BLTP3B: variants seen among roughly 807,000 people sequenced by gnomAD.
The protein encoded by BLTP3B is UHRF1 (ICBP90) binding protein 1-like.
chr12:100,136,810 C>CT, the BLTP3B span, among the ~76,000 whole-genome samples: 1,326 of 147,828 alleles, frequency 9.0e-3, 12 homozygotes, highest in African/African-American at 0.031. Flanking sequence ...TCTTTTTTTT[C>CT]TTTTTTTTTA....
chr12:100,077,665 A>C, the BLTP3B span, among the ~76,000 whole-genome samples: 1 of 152,234 alleles, frequency 6.6e-6, no homozygotes. Context: ...CACTGAGTTA[A>C]ATAAAAACTT....
the BLTP3B span, among the ~76,000 whole-genome samples, chr12:100,094,804 G>C: frequency 1.3e-5 from 2 of 152,180 alleles, no homozygotes; most frequent in South Asian, 2.1e-4. Context: ...AGGTTGCAGT[G>C]AGCTGAGATT....
chr12:100,060,136 TTTC>T, the BLTP3B span: 3 of 1,009,162 alleles, frequency 3.0e-6, no homozygotes, highest in Non-Finnish European at 4.1e-6. Context: ...AGTTTTATTC[TTTC>T]TTAAGATAAA....
At chr12:100,139,305 T>C in the BLTP3B span, among the ~76,000 whole-genome samples, 1 of 152,220 alleles carries the variant, frequency 6.6e-6, no homozygotes, top group African/African-American at 2.4e-5. Context: ...TTCCATACTT[T>C]CCCAACATAC....
At chr12:100,049,701 GAAAC>G in the BLTP3B span, among the ~76,000 whole-genome samples, 1 of 152,042 alleles carries the variant, frequency 6.6e-6, no homozygotes, top group Non-Finnish European at 1.5e-5. Context: ...GAAGGTAAAA[GAAAC>G]AGCCACAAAT....
chr12:100,046,012 A>G, the BLTP3B span, among the ~76,000 whole-genome samples: 1 of 152,242 alleles, frequency 6.6e-6, no homozygotes, highest in African/African-American at 2.4e-5. Flanking sequence ...AATGCAAATC[A>G]AAACCACAAT....
chr12:100,136,173 T>G, the BLTP3B span, among the ~76,000 whole-genome samples: 1 of 151,170 alleles, frequency 6.6e-6, no homozygotes, highest in Admixed American at 6.6e-5. Flanking sequence ...ATTGCTCCAT[T>G]GTACTCCAGC....
At chr12:100,081,032 T>C in the BLTP3B span, among the ~76,000 whole-genome samples, 2 of 151,768 alleles carry the variant, frequency 1.3e-5, no homozygotes, top group African/African-American at 4.8e-5. Flanking sequence ...AAAATGGGAG[T>C]TTCCCTGCAC....
the BLTP3B span, among the ~76,000 whole-genome samples, chr12:100,083,777 T>C: frequency 6.6e-6 from 1 of 152,098 alleles, no homozygotes; most frequent in African/African-American, 2.4e-5. Context: ...AGAAACCTTC[T>C]AGAAAAATTC....
chr12:100,051,438 A>T, the BLTP3B span: 1 of 402,744 alleles, frequency 2.5e-6, no homozygotes, highest in East Asian at 4.1e-5. Context: ...GTAAAAGACA[A>T]TTTTTTTTAA....
At chr12:100,083,073 T>G in the BLTP3B span, 1 of 1,613,872 alleles carries the variant, frequency 6.2e-7, no homozygotes, top group African/African-American at 1.3e-5. Flanking sequence ...TTAGCTTAGC[T>G]TTTGATTGTT....
At chr12:100,075,013 T>C in the BLTP3B span, among the ~76,000 whole-genome samples, 11 of 150,328 alleles carry the variant, frequency 7.3e-5, no homozygotes, top group African/African-American at 2.5e-5. Flanking sequence ...CCCTACACCT[T>C]CCTTTTTTTT....
At chr12:100,118,210 C>T in the BLTP3B span, among the ~76,000 whole-genome samples, 1 of 151,950 alleles carries the variant, frequency 6.6e-6, no homozygotes, top group Admixed American at 6.6e-5. Context: ...TGGCTGGGCA[C>T]GGTGGCTTAT....
chr12:100,058,871 C>T, the BLTP3B span: 17 of 1,613,876 alleles, frequency 1.1e-5, no homozygotes, highest in East Asian at 4.5e-5. Flanking sequence ...GAATATCTGC[C>T]TCTGACGAGG....
At chr12:100,058,240 A>G in the BLTP3B span, 1 of 1,613,020 alleles carries the variant, frequency 6.2e-7, no homozygotes, top group Non-Finnish European at 8.5e-7. Flanking sequence ...TCTTCTCTGT[A>G]GTTTAAGATA....
chr12:100,072,802 C>T, the BLTP3B span: 65 of 1,591,300 alleles, frequency 4.1e-5, no homozygotes, highest in African/African-American at 4.1e-4. Context: ...GACATTGTTC[C>T]GCTGTAGAGA....
the BLTP3B span, among the ~76,000 whole-genome samples, chr12:100,045,794 C>T: frequency 6.6e-6 from 1 of 152,080 alleles, no homozygotes; most frequent in Non-Finnish European, 1.5e-5. Flanking sequence ...AACAGGCAAC[C>T]TACAGAATGG....
the BLTP3B span, among the ~76,000 whole-genome samples, chr12:100,045,383 T>C: frequency 1.1e-4 from 16 of 152,158 alleles, no homozygotes; most frequent in African/African-American, 3.4e-4. Flanking sequence ...AACAGATACA[T>C]AGATCAGTGG....
chr12:100,132,854 A>G, the BLTP3B span, among the ~76,000 whole-genome samples: 1 of 152,152 alleles, frequency 6.6e-6, no homozygotes, highest in South Asian at 2.1e-4. Flanking sequence ...AGGCTGAGGC[A>G]TAAGAATTGC....
Sources: gnomAD v4.1 joint callset for allele counts (sites outside exome capture counted in the v4.1 genomes callset) on GRCh38, gnomAD v4.1.1 for gene constraint, MANE v1.5 for transcripts, NCBI Gene and HGNC (gene_info 2026-07-23, HGNC 2026-07-21) for gene names.